FTO: variants seen among roughly 807,000 people sequenced by gnomAD.
FTO encodes the protein FTO alpha-ketoglutarate dependent dioxygenase.
In FTO, 47 loss-of-function variants were observed where a neutral mutation model predicts 63.9. The ratio of observed to expected loss-of-function variants is 0.74; its 90% CI spans 0.58 to 0.94. The LOEUF is 0.94. Ranked by LOEUF, FTO falls within the 40% of genes least tolerant of loss-of-function variation. The pLI, the probability that FTO is intolerant of heterozygous loss-of-function variation, is 0.00. For synonymous variants in FTO, 207 were observed against 224.4 expected, an observed-to-expected ratio of 0.92 and a Z score of 0.69; for missense variants, 562 against 618.1, an observed-to-expected ratio of 0.91 and a Z score of 0.96.
At chr16:54,002,617 T>C (rs2084094395) in intron 8 of FTO, among the ~76,000 whole-genome samples, 1 of 152,230 alleles carries the variant, frequency 6.6e-6, no homozygotes, top group African/African-American at 2.4e-5. Context: ...CACATTACCC[T>C]TTAGAATTCC....
chr16:53,815,636 GTTTTTTTTTTTTTTTTTT>G (rs556357629), intron 2 of FTO, among the ~76,000 whole-genome samples: 5 of 98,182 alleles, frequency 5.1e-5, no homozygotes, highest in Non-Finnish European at 5.5e-5. Context: ...TGACTTTCTT[GTTTTTTTTTTTTTTTTTT>G]TTTTTTTTTT....
chr16:53,833,178 G>A (rs2079190183), intron 3 of FTO, among the ~76,000 whole-genome samples: 1 of 152,142 alleles, frequency 6.6e-6, no homozygotes, highest in African/African-American at 2.4e-5. Context: ...TCTTGCCACT[G>A]CCATGTAAGA....
At chr16:54,015,694 G>A (rs2144107959) in intron 8 of FTO, among the ~76,000 whole-genome samples, 1 of 152,282 alleles carries the variant, frequency 6.6e-6, no homozygotes, top group East Asian at 1.9e-4. Flanking sequence ...AAATACCGTT[G>A]TACATTGTAC....
At chr16:53,873,761 T>C in intron 4 of FTO, 25 bp from the exon 5 acceptor site, 1 of 1,585,200 alleles carries the variant, frequency 6.3e-7, no homozygotes, top group East Asian at 2.2e-5. Context: ...TATGGTTTTA[T>C]ACATTTCTGG....
chr16:53,746,380 G>T (rs974409945), intron 1 of FTO, among the ~76,000 whole-genome samples: 4 of 152,084 alleles, frequency 2.6e-5, no homozygotes, highest in Non-Finnish European at 4.4e-5. Context: ...ATATTAGACA[G>T]GTAACTTGAG....
intron 4 of FTO, among the ~76,000 whole-genome samples, chr16:53,857,086 C>G (rs923313789): frequency 1.3e-5 from 2 of 151,678 alleles, no homozygotes; most frequent in African/African-American, 4.8e-5. Flanking sequence ...TTTTTTTCTC[C>G]CAGCTTTTAT....
chr16:53,730,443 C>T (rs1489343752), intron 1 of FTO, among the ~76,000 whole-genome samples: 2 of 151,434 alleles, frequency 1.3e-5, no homozygotes, highest in African/African-American at 4.9e-5. Context: ...TACATTTTTC[C>T]AATTATACTG....
intron 1 of FTO, among the ~76,000 whole-genome samples, chr16:53,772,754 T>A (rs1180241430): frequency 6.6e-6 from 1 of 152,068 alleles, no homozygotes; most frequent in Non-Finnish European, 1.5e-5. Context: ...TTGGAAGCAG[T>A]CTCCATGGGA....
intron 1 of FTO, among the ~76,000 whole-genome samples, chr16:53,789,895 G>GTA (rs1216062671): frequency 5.3e-5 from 1 of 18,722 alleles, no homozygotes; most frequent in Non-Finnish European, 9.1e-5. Flanking sequence ...ATACATATAC[G>GTA]TATATATATA....
intron 6 of FTO, among the ~76,000 whole-genome samples, chr16:53,881,141 A>T (rs1046416418): frequency 6.6e-6 from 1 of 150,890 alleles, no homozygotes; most frequent in Non-Finnish European, 1.5e-5. Context: ...AAATAAATAA[A>T]TAAATAAATA....
intron 3 of FTO, among the ~76,000 whole-genome samples, chr16:53,841,767 A>C (rs191185844): frequency 1.3e-5 from 2 of 152,320 alleles, no homozygotes; most frequent in East Asian, 3.9e-4. Context: ...TGATATATAC[A>C]TGATACAGCC....
chr16:54,101,941 A>G (rs1426601274), intron 8 of FTO, among the ~76,000 whole-genome samples: 6 of 152,118 alleles, frequency 3.9e-5, no homozygotes, highest in Admixed American at 1.3e-4. Context: ...TTCATATGCT[A>G]GTTGGCTGCA....
At chr16:53,835,829 C>A (rs887687742) in intron 3 of FTO, among the ~76,000 whole-genome samples, 13 of 150,498 alleles carry the variant, frequency 8.6e-5, no homozygotes, top group African/African-American at 3.2e-4. Context: ...TATTTTCAAT[C>A]TTTATGTTTG....
At chr16:54,086,081 A>AT (rs756591280) in intron 8 of FTO, among the ~76,000 whole-genome samples, 39 of 152,258 alleles carry the variant, frequency 2.6e-4, no homozygotes, top group African/African-American at 7.2e-4. Flanking sequence ...CCTAATTCAG[A>AT]TTTTTTTTAA....
chr16:54,091,210 A>G (rs1244525761), intron 8 of FTO, among the ~76,000 whole-genome samples: 1 of 152,200 alleles, frequency 6.6e-6, no homozygotes, highest in Non-Finnish European at 1.5e-5. Flanking sequence ...TCCTCATGAA[A>G]CATTATAGGA....
chr16:53,809,055 C>T (rs144852875), intron 1 of FTO, among the ~76,000 whole-genome samples: 340 of 152,254 alleles, frequency 2.2e-3, no homozygotes, highest in African/African-American at 8.0e-3. Context: ...TGAAAAATAT[C>T]CCTCAGAAGG....
intron 8 of FTO, among the ~76,000 whole-genome samples, chr16:54,108,102 A>T (rs1428689113): frequency 6.6e-6 from 1 of 152,178 alleles, no homozygotes; most frequent in Non-Finnish European, 1.5e-5. Context: ...GGAAAATTAG[A>T]ATCCTGTTGG....
At chr16:54,061,881 G>A (rs931903593) in intron 8 of FTO, among the ~76,000 whole-genome samples, 26 of 152,158 alleles carry the variant, frequency 1.7e-4, no homozygotes, top group Non-Finnish European at 5.9e-5. Flanking sequence ...CTTTGGGCAG[G>A]CCAGTGAAAT....
chr16:53,997,255 G>T (rs1599169806), intron 8 of FTO, among the ~76,000 whole-genome samples: 1 of 151,926 alleles, frequency 6.6e-6, no homozygotes, highest in East Asian at 1.9e-4. Context: ...GAAACCATCA[G>T]ATCTCGTGAG....
Sources: gnomAD v4.1 joint callset for allele counts (sites outside exome capture counted in the v4.1 genomes callset) on GRCh38, gnomAD v4.1.1 for gene constraint, MANE v1.5 for transcripts, NCBI Gene and HGNC (gene_info 2026-07-23, HGNC 2026-07-21) for gene names.